The following NRXN3 variants were observed in gnomAD, a reference collection of about 807,000 sequenced individuals.
NRXN3 encodes neurexin III.
A neutral mutation model predicts 137.6 loss-of-function variants in NRXN3; 32 were observed. The observed-to-expected ratio is 0.23, with a 90% CI of 0.18 to 0.31. The LOEUF (loss-of-function observed/expected upper bound fraction) is 0.31, where lower values mean the gene tolerates loss of function less well. Ranked by LOEUF, NRXN3 falls within the 10% of genes least tolerant of loss-of-function variation. The pLI, the probability that NRXN3 is intolerant of heterozygous loss-of-function variation, is 1.00. For missense variants in NRXN3, 1,574 were observed against 2,062.5 expected, an observed-to-expected ratio of 0.76 and a Z score of 4.59; for synonymous variants, 798 against 784.5, an observed-to-expected ratio of 1.02 and a Z score of -0.29.
rs1350445456 is a variant in NRXN3, at chr14:79,866,778, A to G, written c.*4814A>G. The G allele has an allele frequency of 6.6e-6, 1 of 152,318 alleles. No individual in the cohort carries two copies. Among genetic ancestry groups the G allele is most frequent in the East Asian group, 1.9e-4 (1 of 5,172 alleles). 9.4% of individuals were successfully genotyped at this position (152,318 alleles called of 1,614,324 possible). A position where few individuals can be genotyped will look rare whatever the true frequency, so the allele number is the denominator to read the frequency against. On this transcript the variant is annotated 3_prime_UTR_variant, in exon 21 of 21. Transcript: ENST00000335750. ...ATGTTTATCTGGGGGAAAAAGGCAT[A>G]AGTCAATCTTCTTGGAGAGAATGGG...
intron 4 of NRXN3, among the ~76,000 whole-genome samples, chr14:78,499,944 C>T (rs1448974866): frequency 1.3e-5 from 2 of 152,040 alleles, no homozygotes; most frequent in Non-Finnish European, 2.9e-5. Context: ...AGAATTGATA[C>T]CCCATCAACT....
At chr14:78,498,645 A>C (rs2095829846) in intron 4 of NRXN3, among the ~76,000 whole-genome samples, 1 of 152,174 alleles carries the variant, frequency 6.6e-6, no homozygotes, top group Non-Finnish European at 1.5e-5. Flanking sequence ...GACTCATCTT[A>C]GTGCAAAGGC....
At chr14:79,091,825 A>T (rs2049258174) in intron 15 of NRXN3, among the ~76,000 whole-genome samples, 1 of 152,004 alleles carries the variant, frequency 6.6e-6, no homozygotes, top group Non-Finnish European at 1.5e-5. Flanking sequence ...ATTAGGGAGA[A>T]CTGTTTGTTC....
At chr14:79,616,128 G>T (rs992622332) in intron 16 of NRXN3, among the ~76,000 whole-genome samples, 2 of 152,092 alleles carry the variant, frequency 1.3e-5, no homozygotes, top group African/African-American at 4.8e-5. Context: ...AACTGACAAG[G>T]TCAGATTTGC....
At chr14:78,204,274 C>A (rs1364153258) in intron 1 of NRXN3, among the ~76,000 whole-genome samples, 1 of 150,622 alleles carries the variant, frequency 6.6e-6, no homozygotes, top group African/African-American at 2.4e-5. Flanking sequence ...TTTGTTTTAA[C>A]CTTGGCCAGT....
At chr14:79,371,677 G>A (rs2094114879) in intron 15 of NRXN3, among the ~76,000 whole-genome samples, 1 of 152,058 alleles carries the variant, frequency 6.6e-6, no homozygotes, top group African/African-American at 2.4e-5. Flanking sequence ...TGAATTCTTT[G>A]TTGATAAGAT....
intron 15 of NRXN3, among the ~76,000 whole-genome samples, chr14:79,365,258 A>C (rs1222771354): frequency 6.6e-6 from 1 of 152,088 alleles, no homozygotes; most frequent in African/African-American, 2.4e-5. Flanking sequence ...GCAGACCGAG[A>C]GCAGAAAATG....
rs1318261533 is a variant in NRXN3 at position 79,588,576 on chromosome 14, A to T, written c.3445-75202A>T. Among the ~76,000 whole-genome samples the T allele has an allele frequency of 2.6e-5, 4 of 152,282 alleles. No individual in the cohort carries two copies. The South Asian group carries it at 8.3e-4, about 32-fold the overall frequency. The stretch of plus-strand genomic sequence containing the variant: ...TCAATTGTTCTTGAGGCTCTGTGGG[A>T]CTTACAGTAATAGAATTTTATTTGT... On this transcript the variant is annotated intron_variant, in intron 16 of 20. Transcript: ENST00000335750.
intron 15 of NRXN3, among the ~76,000 whole-genome samples, chr14:79,048,762 C>T (rs1482471125): frequency 3.3e-5 from 5 of 151,010 alleles, no homozygotes; most frequent in African/African-American, 1.2e-4. Flanking sequence ...CGGTGGCTCA[C>T]GCCTGGAATC....
At chr14:78,904,162 C>T (rs974877590) in intron 10 of NRXN3, among the ~76,000 whole-genome samples, 2 of 152,084 alleles carry the variant, frequency 1.3e-5, no homozygotes, top group African/African-American at 2.4e-5. Flanking sequence ...GTCTGGTTTA[C>T]AGAGCCTGGC....
At chr14:78,350,812 C>T (rs1000300648) in intron 4 of NRXN3, among the ~76,000 whole-genome samples, 9 of 152,114 alleles carry the variant, frequency 5.9e-5, no homozygotes, top group African/African-American at 2.2e-4. Flanking sequence ...GTGAGAGTTT[C>T]TATACAATGT....
intron 15 of NRXN3, among the ~76,000 whole-genome samples, chr14:79,022,212 C>G (rs772069968): frequency 6.6e-6 from 1 of 152,096 alleles, no homozygotes; most frequent in South Asian, 2.1e-4. Flanking sequence ...AAAAGTAGGG[C>G]AGTAGATACT....
At chr14:79,401,053 G>A (rs2095178691) in intron 15 of NRXN3, among the ~76,000 whole-genome samples, 1 of 152,230 alleles carries the variant, frequency 6.6e-6, no homozygotes, top group African/African-American at 2.4e-5. Flanking sequence ...CACACAGGCA[G>A]AGTCAGTAGC....
At chr14:78,639,835 A>G (rs2097603557) in intron 4 of NRXN3, among the ~76,000 whole-genome samples, 1 of 152,260 alleles carries the variant, frequency 6.6e-6, no homozygotes, top group African/African-American at 2.4e-5. Flanking sequence ...ATGTGTCTCT[A>G]TTTCCTCACA....
intron 16 of NRXN3, among the ~76,000 whole-genome samples, chr14:79,560,504 C>CTTTTTTTTTTTTTTTTTTG (rs2097482836): frequency 2.3e-5 from 1 of 43,770 alleles, no homozygotes; most frequent in East Asian, 1.1e-3. Flanking sequence ...AGATTGTAAG[C>CTTTTTTTTTTTTTTTTTTG]TTTTTTTTTT....
chr14:78,366,560 A>G (rs1359283455), intron 4 of NRXN3, among the ~76,000 whole-genome samples: 1 of 152,204 alleles, frequency 6.6e-6, no homozygotes, highest in African/African-American at 2.4e-5. Flanking sequence ...TGATAAAGAC[A>G]TATCCATAAG....
chr14:78,306,614 C>CT (rs1555457431), intron 4 of NRXN3, among the ~76,000 whole-genome samples: 1 of 152,106 alleles, frequency 6.6e-6, no homozygotes, highest in Non-Finnish European at 1.5e-5. Flanking sequence ...CAGTGTATAT[C>CT]TGAGTATAGG....
intron 4 of NRXN3, among the ~76,000 whole-genome samples, chr14:78,389,476 G>T (rs971072283): frequency 2.6e-5 from 4 of 152,082 alleles, no homozygotes; most frequent in African/African-American, 9.7e-5. Flanking sequence ...TACTGCTGAG[G>T]GGTGTGATTT....
chr14:79,792,805 G>A (rs533526644), intron 19 of NRXN3, among the ~76,000 whole-genome samples: 1 of 152,152 alleles, frequency 6.6e-6, no homozygotes, highest in African/African-American at 2.4e-5. Context: ...GCGAGCAAAG[G>A]TTCTTGATTC....
Sources: gnomAD v4.1 joint callset for allele counts (sites outside exome capture counted in the v4.1 genomes callset) on GRCh38, gnomAD v4.1.1 for gene constraint, MANE v1.5 for transcripts, NCBI Gene and HGNC (gene_info 2026-07-23, HGNC 2026-07-21) for gene names.